ADAMTS17: variants seen among roughly 807,000 people sequenced by gnomAD.
ADAMTS17 encodes the protein ADAM metallopeptidase with thrombospondin type 1 motif 17.
In ADAMTS17, 113 loss-of-function variants were observed where a neutral mutation model predicts 141.5. The ratio of observed to expected loss-of-function variants is 0.80; its 90% CI spans 0.69 to 0.93. The LOEUF (loss-of-function observed/expected upper bound fraction) is 0.93, where lower values mean the gene tolerates loss of function less well. Ranked by LOEUF, ADAMTS17 falls within the 40% of genes least tolerant of loss-of-function variation. ADAMTS17 has a pLI of 0.00. For missense variants in ADAMTS17, 1,659 were observed against 1,517.9 expected, an observed-to-expected ratio of 1.09 and a Z score of -1.54; for synonymous variants, 768 against 630.6, an observed-to-expected ratio of 1.22 and a Z score of -3.27.
rs1491288368 is a variant in ADAMTS17, at chr15:100,209,112, G to GCAA, written c.1076-9692_1076-9690dup. Among the ~76,000 whole-genome samples the GCAA allele has an allele frequency of 4.5e-3, 335 of 73,770 alleles. 6 individuals carry two copies. The highest frequency in any genetic ancestry group is 0.02 in the African/African-American group (322 of 15,908). 48.4% of individuals were successfully genotyped at this position (73,770 alleles called of 152,430 possible). On this transcript the variant is annotated intron_variant, in intron 7 of 21. Transcript: ENST00000268070. ...ATGCATGGAAATATTTGCCAAGTTAGCAAAAAAAAAAAAAAAAAAAAGGAA... is the reference window on the plus strand; with the variant it reads ...ATGCATGGAAATATTTGCCAAGTTAGCAACAAAAAAAAAAAAAAAAAAAAGGAA...
intron 12 of ADAMTS17, among the ~76,000 whole-genome samples, chr15:100,125,833 A>T (rs1029841081): frequency 2.0e-5 from 3 of 152,164 alleles, no homozygotes; most frequent in Admixed American, 6.5e-5. Flanking sequence ...AAGACTAAAA[A>T]AAATAATTGT....
At chr15:100,273,087 G>T (rs1353612711) in intron 4 of ADAMTS17, among the ~76,000 whole-genome samples, 1 of 151,942 alleles carries the variant, frequency 6.6e-6, no homozygotes, top group Non-Finnish European at 1.5e-5. Flanking sequence ...TATTGAATTT[G>T]GTTTCCTAGT....
At chr15:100,147,583 TA>T (rs2038969385) in intron 10 of ADAMTS17, among the ~76,000 whole-genome samples, 1 of 152,118 alleles carries the variant, frequency 6.6e-6, no homozygotes. Context: ...TATAAAAGGT[TA>T]AAAATGGTAC....
intron 3 of ADAMTS17, among the ~76,000 whole-genome samples, chr15:100,304,289 CG>C (rs1259239777): frequency 6.6e-6 from 1 of 152,176 alleles, no homozygotes; most frequent in Non-Finnish European, 1.5e-5. Flanking sequence ...TCTGGGACCC[CG>C]TAACATGGAT....
rs770821999 is a variant in ADAMTS17, at chr15:100,261,568, C to T, written c.942G>A (p.Glu314=). Residue 314 remains glutamate, a synonymous_variant, in exon 6 of 22, where the codon GAG becomes GAA. Coordinates refer to ENST00000268070, the MANE Select transcript of ADAMTS17 (RefSeq NM_139057.4). Reference sequence around the variant, plus strand: ...TGCCGAGGTATCGCGCTCCTCCATACTCCTCGTTCTGCCAGTGACAGAAGC... The same window carrying T: ...TGCCGAGGTATCGCGCTCCTCCATATTCCTCGTTCTGCCAGTGACAGAAGC... The part of the protein sequence containing the change: ...LESFCHWQNE[E]YGGARYLGNN... 1 of 1,614,188 alleles carries T rather than the reference C, an allele frequency of 6.2e-7. No homozygotes were observed. Among genetic ancestry groups the T allele is most frequent in the South Asian group, 1.1e-5 (1 of 91,074 alleles).
intron 3 of ADAMTS17, among the ~76,000 whole-genome samples, chr15:100,320,797 C>T (rs1204205228): frequency 6.6e-6 from 1 of 152,008 alleles, no homozygotes; most frequent in Non-Finnish European, 1.5e-5. Context: ...CGCGCCACTG[C>T]ACTCCAGCAT....
At chr15:100,090,262 C>CT (rs2035372063) in intron 15 of ADAMTS17, among the ~76,000 whole-genome samples, 1 of 152,120 alleles carries the variant, frequency 6.6e-6, no homozygotes. Flanking sequence ...TGATTAGAAT[C>CT]TTTTTCAGAG....
intron 15 of ADAMTS17, among the ~76,000 whole-genome samples, chr15:100,078,553 AC>A (rs1419783510): frequency 1.2e-4 from 17 of 144,304 alleles, no homozygotes; most frequent in African/African-American, 4.9e-4. Flanking sequence ...TTCAGACCAT[AC>A]AAAAAAATTA....
Position 100,281,217 on chromosome 15 carries a change from C to T in ADAMTS17, c.789+12G>A. ...AGAGCCCCCCACATCAGGACCCCGG[C>T]TCCGGACTCACCATGTTCATGACGG... On this transcript the variant is annotated intron_variant, in intron 4 of 21. Coordinates refer to ENST00000268070, the MANE Select transcript of ADAMTS17 (RefSeq NM_139057.4). 1 of 1,602,796 alleles carries T rather than the reference C, an allele frequency of 6.2e-7. No homozygotes were observed. The highest frequency in any genetic ancestry group is 8.5e-7 in the Non-Finnish European group (1 of 1,179,934).
chr15:100,038,777 T>A (rs1329329025), intron 18 of ADAMTS17, among the ~76,000 whole-genome samples: 1 of 152,254 alleles, frequency 6.6e-6, no homozygotes, highest in Admixed American at 6.5e-5. Flanking sequence ...CAGTTTTACT[T>A]CTTCTATTCA....
intron 7 of ADAMTS17, among the ~76,000 whole-genome samples, chr15:100,228,792 G>A (rs545896196): frequency 2.0e-5 from 3 of 152,308 alleles, no homozygotes; most frequent in South Asian, 2.1e-4. Flanking sequence ...CCAATGGTCT[G>A]GGGGAAGGAG....
At chr15:100,287,002 A>C (rs2044468100) in intron 3 of ADAMTS17, among the ~76,000 whole-genome samples, 1 of 152,228 alleles carries the variant, frequency 6.6e-6, no homozygotes, top group African/African-American at 2.4e-5. Context: ...ATCCTGGCCA[A>C]CCTGGTTAAA....
At chr15:100,263,743 A>T (rs553260055) in intron 4 of ADAMTS17, among the ~76,000 whole-genome samples, 2 of 152,350 alleles carry the variant, frequency 1.3e-5, no homozygotes, top group East Asian at 3.9e-4. Flanking sequence ...CAAGAATGAG[A>T]ATCTTTTAAA....
intron 10 of ADAMTS17, among the ~76,000 whole-genome samples, chr15:100,149,113 C>G (rs1596561802): frequency 6.6e-6 from 1 of 152,346 alleles, no homozygotes; most frequent in East Asian, 1.9e-4. Flanking sequence ...CCTGCCATAC[C>G]CAACATCAAC....
At chr15:99,998,821 C>T (rs2060859505) in intron 18 of ADAMTS17, among the ~76,000 whole-genome samples, 1 of 152,126 alleles carries the variant, frequency 6.6e-6, no homozygotes, top group Non-Finnish European at 1.5e-5. Context: ...TGGCTTTGCC[C>T]TTTCTTGTCC....
intron 8 of ADAMTS17, among the ~76,000 whole-genome samples, chr15:100,169,065 A>G (rs1370815707): frequency 1.3e-5 from 2 of 152,208 alleles, no homozygotes; most frequent in African/African-American, 2.4e-5. Context: ...GGCTGTGTTC[A>G]TCATATTCCC....
At chr15:100,027,938 C>G (rs2061548134) in intron 18 of ADAMTS17, among the ~76,000 whole-genome samples, 1 of 152,084 alleles carries the variant, frequency 6.6e-6, no homozygotes, top group Non-Finnish European at 1.5e-5. Context: ...CACTTGATAG[C>G]CACACATTTC....
intron 18 of ADAMTS17, among the ~76,000 whole-genome samples, chr15:100,029,005 G>A (rs1235071077): frequency 2.0e-5 from 3 of 152,154 alleles, no homozygotes; most frequent in Non-Finnish European, 2.9e-5. Flanking sequence ...CGGACATCTC[G>A]CTGTCTGGCC....
intron 15 of ADAMTS17, among the ~76,000 whole-genome samples, chr15:100,082,956 G>C (rs2034853068): frequency 6.6e-6 from 1 of 151,996 alleles, no homozygotes; most frequent in Non-Finnish European, 1.5e-5. Context: ...AGAATGAAGA[G>C]GCGTTTCCTA....
Sources: allele counts gnomAD v4.1 joint callset (sites outside exome capture counted in the v4.1 genomes callset), GRCh38; gene constraint gnomAD v4.1.1; transcripts MANE v1.5; gene names NCBI Gene and HGNC (gene_info 2026-07-23, HGNC 2026-07-21).